ZNF385D: variants seen among roughly 807,000 people sequenced by gnomAD.
ZNF385D encodes zinc finger protein 385D, also known as zinc finger protein 659.
ZNF385D carries 15 observed loss-of-function variants against 35.8 expected under a neutral mutation model. The ratio of observed to expected loss-of-function variants is 0.42; its 90% CI spans 0.28 to 0.64. The LOEUF (loss-of-function observed/expected upper bound fraction) is 0.64, where lower values mean the gene tolerates loss of function less well. Among genes scored for constraint, ZNF385D ranks in the 30% least tolerant of loss-of-function variants. ZNF385D has a pLI of 0.23. For missense variants in ZNF385D, 474 were observed against 494.6 expected, an observed-to-expected ratio of 0.96 and a Z score of 0.39; for synonymous variants, 212 against 186.8, an observed-to-expected ratio of 1.13 and a Z score of -1.10.
intron 3 of ZNF385D, among the ~76,000 whole-genome samples, chr3:21,863,024 G>A (rs116450755): frequency 0.016 from 2,372 of 152,152 alleles, 25 homozygotes; most frequent in Non-Finnish European, 0.022. Flanking sequence ...GAAAATATAT[G>A]CAAATACTAT....
At chr3:22,354,966 G>T (rs1021958829) in intron 2 of ZNF385D, among the ~76,000 whole-genome samples, 11 of 151,956 alleles carry the variant, frequency 7.2e-5, no homozygotes, top group Non-Finnish European at 1.6e-4. Flanking sequence ...CACCCTCACT[G>T]CAGAAAGTTC....
intron 3 of ZNF385D, among the ~76,000 whole-genome samples, chr3:21,774,030 C>T (rs1425840035): frequency 6.6e-6 from 1 of 151,956 alleles, no homozygotes; most frequent in Non-Finnish European, 1.5e-5. Flanking sequence ...AAATGCCCAT[C>T]AATGATAGAC....
intron 3 of ZNF385D, among the ~76,000 whole-genome samples, chr3:21,922,393 A>G (rs1487826592): frequency 6.6e-6 from 1 of 152,368 alleles, no homozygotes; most frequent in South Asian, 2.1e-4. Context: ...AAACTATACT[A>G]TAAAGCTACA....
chr3:22,342,418 ATTTAC>A (rs1320421755), intron 2 of ZNF385D, among the ~76,000 whole-genome samples: 1 of 151,604 alleles, frequency 6.6e-6, no homozygotes, highest in African/African-American at 2.4e-5. Context: ...TCTGCTAATT[ATTTAC>A]TTGTAAATTC....
rs1218932646 is a variant in ZNF385D at position 22,325,761 on chromosome 3, A to T, written c.106+46689T>A. Among the ~76,000 whole-genome samples the T allele has an allele frequency of 2.6e-5, 4 of 152,278 alleles. No homozygotes were observed. In the South Asian group the frequency reaches 8.3e-4, roughly 32 times the overall value. ...CAACAGAGCGAGACTCTGTCTCAAA[A>T]AAACAAAAAACAAAAAAACAGAGCC... On this transcript the variant is annotated intron_variant, in intron 2 of 5. Transcript: ENST00000494108.
intron 3 of ZNF385D, among the ~76,000 whole-genome samples, chr3:22,015,141 A>C (rs1481740176): frequency 3.3e-5 from 5 of 152,134 alleles, no homozygotes; most frequent in Non-Finnish European, 2.9e-5. Flanking sequence ...GATACTAAAG[A>C]ATTATTTCCC....
intron 2 of ZNF385D, among the ~76,000 whole-genome samples, chr3:22,169,577 C>CACA (rs1706551167): frequency 6.6e-6 from 1 of 152,134 alleles, no homozygotes; most frequent in Non-Finnish European, 1.5e-5. Context: ...TGCAAAGATA[C>CACA]TAACACTCTT....
At chr3:22,268,707 A>G (rs1367483144) in intron 2 of ZNF385D, among the ~76,000 whole-genome samples, 1 of 152,098 alleles carries the variant, frequency 6.6e-6, no homozygotes, top group Admixed American at 6.6e-5. Context: ...AATCTATCAA[A>G]AAGCTATTGA....
intron 3 of ZNF385D, among the ~76,000 whole-genome samples, chr3:22,069,142 A>T (rs998714933): frequency 6.6e-6 from 1 of 152,208 alleles, no homozygotes; most frequent in Non-Finnish European, 1.5e-5. Flanking sequence ...ATTTTAATAG[A>T]TTCTCTCCCA....
intron 3 of ZNF385D, among the ~76,000 whole-genome samples, chr3:21,528,778 C>A (rs947758180): frequency 6.6e-6 from 1 of 152,102 alleles, no homozygotes; most frequent in African/African-American, 2.4e-5. Flanking sequence ...CTATTATGCT[C>A]TAATCCTGGA....
At chr3:22,227,623 G>A (rs1170619694) in intron 2 of ZNF385D, among the ~76,000 whole-genome samples, 1 of 152,100 alleles carries the variant, frequency 6.6e-6, no homozygotes, top group Non-Finnish European at 1.5e-5. Flanking sequence ...ACCAGATTGA[G>A]GACTAGTGAT....
chr3:21,782,787 G>A (rs549979299), intron 3 of ZNF385D, among the ~76,000 whole-genome samples: 13 of 152,186 alleles, frequency 8.5e-5, no homozygotes, highest in Non-Finnish European at 1.6e-4. Flanking sequence ...TACTCTTAGG[G>A]TGAGAGTGAT....
rs145039571 is a variant in ZNF385D at position 21,793,582 on chromosome 3, C to G, written c.326-128554G>C. 5.0e-4 allele frequency among the ~76,000 whole-genome samples: 76 copies of G among 152,328 alleles called. No homozygotes were observed. The East Asian group carries it at 0.013, about 27-fold the overall frequency. On this transcript the variant is annotated intron_variant, in intron 3 of 5. Transcript: ENST00000494108. ...TCTCTCTGCAAAGTGCAAACCACTT[C>G]CTAAGGCTGATCTTCAGGTAAAAAA...
At chr3:21,719,011 T>C (rs918205517) in intron 1 of ZNF385D, among the ~76,000 whole-genome samples, 1 of 152,254 alleles carries the variant, frequency 6.6e-6, no homozygotes, top group Admixed American at 6.5e-5. Flanking sequence ...ATTAGTCTGA[T>C]ACAGTGCCCA....
chr3:22,183,095 T>C (rs974025108), intron 2 of ZNF385D, among the ~76,000 whole-genome samples: 1 of 152,150 alleles, frequency 6.6e-6, no homozygotes, highest in Non-Finnish European at 1.5e-5. Flanking sequence ...ATATTATTAA[T>C]TGAAGGTGGT....
At chr3:21,625,433 C>T (rs1303714652) in intron 2 of ZNF385D, among the ~76,000 whole-genome samples, 2 of 152,048 alleles carry the variant, frequency 1.3e-5, no homozygotes, top group Admixed American at 6.6e-5. Context: ...ATCATTCACA[C>T]AATCTTTGTC....
intron 4 of ZNF385D, among the ~76,000 whole-genome samples, chr3:21,473,713 G>A (rs528343761): frequency 6.6e-6 from 1 of 152,028 alleles, no homozygotes; most frequent in African/African-American, 2.4e-5. Flanking sequence ...CTTGTCTCAA[G>A]CTCTTTGCAT....
intron 3 of ZNF385D, among the ~76,000 whole-genome samples, chr3:21,813,454 A>C (rs931836901): frequency 4.6e-5 from 7 of 152,204 alleles, no homozygotes; most frequent in African/African-American, 1.7e-4. Context: ...AAAACCTTCA[A>C]AAAAGATTAG....
chr3:22,080,616 T>C (rs536961020), intron 3 of ZNF385D, among the ~76,000 whole-genome samples: 1 of 152,014 alleles, frequency 6.6e-6, no homozygotes, highest in Non-Finnish European at 1.5e-5. Flanking sequence ...ATACAAAATA[T>C]ACATTTCCGT....
Sources: gnomAD v4.1 joint callset for allele counts (sites outside exome capture counted in the v4.1 genomes callset) on GRCh38, gnomAD v4.1.1 for gene constraint, MANE v1.5 for transcripts, NCBI Gene and HGNC (gene_info 2026-07-23, HGNC 2026-07-21) for gene names.